The following CSMD1 variants were observed in gnomAD, a reference collection of about 807,000 sequenced individuals.
The protein encoded by CSMD1 is CUB and sushi domain-containing protein 1.
Under a neutral mutation model 417.5 loss-of-function variants are expected in CSMD1, and 213 were observed. That is an observed-to-expected ratio of 0.51 (90% CI 0.46 to 0.57). The LOEUF (loss-of-function observed/expected upper bound fraction) is 0.57, where lower values mean the gene tolerates loss of function less well. CSMD1 is among the 20% of genes least tolerant of loss of function. The pLI, the probability that CSMD1 is intolerant of heterozygous loss-of-function variation, is 0.00. For synonymous variants in CSMD1, 2,862 were observed against 1,736.8 expected, an observed-to-expected ratio of 1.65 and a Z score of -16.11; for missense variants, 6,923 against 4,529.7, an observed-to-expected ratio of 1.53 and a Z score of -15.17.
rs111328046 is a variant in CSMD1 at position 4,154,835 on chromosome 8, G to C, written c.416-122736C>G. On this transcript the variant is annotated intron_variant, in intron 3 of 69. Transcript: ENST00000635120. The stretch of plus-strand genomic sequence containing the variant: ...GAAAGAGAGGCACGATTATAAATTA[G>C]TGAAAGCTTTCTGATTTGTTGATAC... Among the ~76,000 whole-genome samples the C allele has an allele frequency of 4.3e-3, 659 of 152,148 alleles. 7 individuals carry two copies. Among genetic ancestry groups the C allele is most frequent in the South Asian group, 0.015 (74 of 4,826 alleles).
chr8:4,760,235 T>A (rs1811954486), intron 1 of CSMD1, among the ~76,000 whole-genome samples: 1 of 152,218 alleles, frequency 6.6e-6, no homozygotes, highest in Non-Finnish European at 1.5e-5. Context: ...ATATGCACTA[T>A]TTTTAGAGTA....
chr8:4,347,227 A>G (rs1165438973), intron 3 of CSMD1, among the ~76,000 whole-genome samples: 3 of 152,110 alleles, frequency 2.0e-5, no homozygotes, highest in Non-Finnish European at 2.9e-5. Context: ...TGGAAATTAC[A>G]TCATGCTTAA....
intron 11 of CSMD1, among the ~76,000 whole-genome samples, chr8:3,475,826 T>G (rs1293590201): frequency 1.3e-5 from 2 of 152,230 alleles, no homozygotes; most frequent in Non-Finnish European, 2.9e-5. Flanking sequence ...CTAGGGCACT[T>G]TGTGAGTACC....
At chr8:4,882,880 G>A (rs1227359289) in intron 1 of CSMD1, among the ~76,000 whole-genome samples, 2 of 151,944 alleles carry the variant, frequency 1.3e-5, no homozygotes, top group Non-Finnish European at 2.9e-5. Flanking sequence ...AGAAAGCAAA[G>A]GAATGAGAGC....
At position 3,292,538 on chromosome 8, in the gene CSMD1, G is replaced by T. The variant is rs552223300; in HGVS notation, c.3951-8192C>A. ...GTATTGGGTACATATATATTTAGGA[G>T]AGCTAGCTTTTCTTGTTGAATTGAT... On this transcript the variant is annotated intron_variant, in intron 25 of 69. Transcript: ENST00000635120. Among the ~76,000 whole-genome samples the T allele has an allele frequency of 1.0e-3, 152 of 152,228 alleles. 1 individual carries two copies. The highest frequency in any genetic ancestry group is 9.6e-3 in the Admixed American group (146 of 15,278).
chr8:4,507,757 T>C (rs986783510), intron 2 of CSMD1, among the ~76,000 whole-genome samples: 3 of 152,206 alleles, frequency 2.0e-5, no homozygotes, highest in African/African-American at 7.2e-5. Context: ...TAAAGACATC[T>C]TGATGATTGT....
At chr8:4,771,676 T>C (rs928849203) in intron 1 of CSMD1, among the ~76,000 whole-genome samples, 1 of 152,168 alleles carries the variant, frequency 6.6e-6, no homozygotes, top group African/African-American at 2.4e-5. Context: ...ATACGCAAAG[T>C]AAAAACTTCA....
At chr8:3,247,591 C>G (rs1390833554) in intron 26 of CSMD1, among the ~76,000 whole-genome samples, 4 of 152,212 alleles carry the variant, frequency 2.6e-5, no homozygotes, top group African/African-American at 7.2e-5. Context: ...GACATTCTCC[C>G]TTCCCTGTGG....
At chr8:4,322,865 G>C (rs1183408945) in intron 3 of CSMD1, among the ~76,000 whole-genome samples, 4 of 152,120 alleles carry the variant, frequency 2.6e-5, no homozygotes, top group Non-Finnish European at 5.9e-5. Context: ...GGCTTTTGTA[G>C]TCCCAGCTAC....
At chr8:3,065,296 T>C (rs538953566) in intron 49 of CSMD1, among the ~76,000 whole-genome samples, 2 of 133,482 alleles carry the variant, frequency 1.5e-5, no homozygotes, top group Non-Finnish European at 3.3e-5. Flanking sequence ...GATAGATAGA[T>C]AGATAGGTAG....
At chr8:4,398,333 T>G (rs1460291173) in intron 3 of CSMD1, among the ~76,000 whole-genome samples, 1 of 152,014 alleles carries the variant, frequency 6.6e-6, no homozygotes, top group Non-Finnish European at 1.5e-5. Flanking sequence ...TCGTTAGGAC[T>G]GATAGCTTTA....
intron 2 of CSMD1, among the ~76,000 whole-genome samples, chr8:4,453,173 CT>C (rs1257399483): frequency 6.6e-6 from 1 of 151,100 alleles, no homozygotes; most frequent in Non-Finnish European, 1.5e-5. Flanking sequence ...CCGTTCCCCC[CT>C]CCATCCCAAC....
chr8:3,198,820 A>G (rs1486043035), intron 33 of CSMD1, among the ~76,000 whole-genome samples: 3 of 152,234 alleles, frequency 2.0e-5, no homozygotes, highest in African/African-American at 7.2e-5. Flanking sequence ...AAGGAAAGAA[A>G]CCATTGCTAA....
chr8:4,159,226 T>C (rs1196774962), intron 3 of CSMD1, among the ~76,000 whole-genome samples: 1 of 152,172 alleles, frequency 6.6e-6, no homozygotes, highest in Non-Finnish European at 1.5e-5. Context: ...CGTAATTCTT[T>C]ATTGATAGAT....
At chr8:4,835,252 G>T (rs1182896632) in intron 1 of CSMD1, among the ~76,000 whole-genome samples, 2 of 152,048 alleles carry the variant, frequency 1.3e-5, no homozygotes, top group Admixed American at 6.6e-5. Context: ...CAGTGGCAGT[G>T]GGGATACTAA....
chr8:3,798,745 G>C (rs1232999790), intron 5 of CSMD1, among the ~76,000 whole-genome samples: 4 of 151,902 alleles, frequency 2.6e-5, no homozygotes, highest in Non-Finnish European at 5.9e-5. Flanking sequence ...TGTCACTATA[G>C]ATCAGTATTT....
chr8:3,426,627 C>T (rs1291206230), intron 12 of CSMD1, among the ~76,000 whole-genome samples: 1 of 152,154 alleles, frequency 6.6e-6, no homozygotes, highest in Non-Finnish European at 1.5e-5. Context: ...CTGCCACTTT[C>T]AAGGTGAGAT....
intron 2 of CSMD1, among the ~76,000 whole-genome samples, chr8:4,448,914 A>C (rs1463714842): frequency 1.3e-5 from 2 of 152,178 alleles, no homozygotes; most frequent in Non-Finnish European, 2.9e-5. Flanking sequence ...TATTTCATCT[A>C]TTAAGTTCAA....
At chr8:4,569,951 G>T (rs182287264) in intron 2 of CSMD1, among the ~76,000 whole-genome samples, 2 of 152,218 alleles carry the variant, frequency 1.3e-5, no homozygotes, top group Admixed American at 6.6e-5. Flanking sequence ...TCTATTGTTG[G>T]TGTATAGGAA....
Sources: gnomAD v4.1 joint callset for allele counts (sites outside exome capture counted in the v4.1 genomes callset) on GRCh38, gnomAD v4.1.1 for gene constraint, MANE v1.5 for transcripts, NCBI Gene and HGNC (gene_info 2026-07-23, HGNC 2026-07-21) for gene names.